Variants in NRG1 observed in about 807,000 individuals in gnomAD.
NRG1 encodes the protein pro-neuregulin-1, membrane-bound isoform.
A neutral mutation model predicts 63.8 loss-of-function variants in NRG1; 18 were observed. The ratio of observed to expected loss-of-function variants is 0.28; its 90% CI spans 0.19 to 0.42. NRG1 has a LOEUF of 0.42. NRG1 is among the 10% of genes least tolerant of loss of function. The pLI, the probability that NRG1 is intolerant of heterozygous loss-of-function variation, is 1.00. For synonymous variants in NRG1, 302 were observed against 301.3 expected, an observed-to-expected ratio of 1.00 and a Z score of -0.02; for missense variants, 762 against 814.7, an observed-to-expected ratio of 0.94 and a Z score of 0.79.
chr8:32,113,824 T>C (rs989391659), intron 1 of NRG1, among the ~76,000 whole-genome samples: 1 of 152,214 alleles, frequency 6.6e-6, no homozygotes, highest in Admixed American at 6.5e-5. Context: ...TATGATTTAA[T>C]AAAGCTTTTA....
intron 1 of NRG1, among the ~76,000 whole-genome samples, chr8:32,449,716 T>A (rs192131648): frequency 6.6e-6 from 1 of 152,222 alleles, no homozygotes; most frequent in Non-Finnish European, 1.5e-5. Context: ...TATTTGGATA[T>A]ACTGGTATTA....
intron 1 of NRG1, among the ~76,000 whole-genome samples, chr8:32,175,512 T>G (rs1840616294): frequency 6.6e-6 from 1 of 152,116 alleles, no homozygotes; most frequent in Non-Finnish European, 1.5e-5. Context: ...AAATAAAGGG[T>G]ATTCAGGTAG....
chr8:32,022,689 T>C (rs1563689786), intron 1 of NRG1, among the ~76,000 whole-genome samples: 2 of 152,218 alleles, frequency 1.3e-5, no homozygotes. Flanking sequence ...TGGACCTGTT[T>C]AATGTTAGTC....
Position 31,818,644 on chromosome 8 carries a change from C to T in NRG1, c.37+179213C>T, listed in dbSNP as rs553704475. Among the ~76,000 whole-genome samples, 442 of 152,278 alleles carry T rather than the reference C, an allele frequency of 2.9e-3. 3 individuals are homozygous for T. The highest frequency in any genetic ancestry group is 5.5e-3 in the Non-Finnish European group (373 of 68,036). ...GCCACTGATTTAACAGGCTGCGGAG[C>T]TCAGGAGGTAATACTCGCTCACCTG... On this transcript the variant is annotated intron_variant, in intron 1 of 10. Transcript: ENST00000519301.
chr8:31,828,839 C>T (rs577215539), intron 1 of NRG1, among the ~76,000 whole-genome samples: 1 of 152,328 alleles, frequency 6.6e-6, no homozygotes, highest in East Asian at 1.9e-4. Flanking sequence ...GGCTATCTTG[C>T]AGATGAATTC....
chr8:32,581,401 C>T (rs1386098564), intron 1 of NRG1, among the ~76,000 whole-genome samples: 2 of 152,140 alleles, frequency 1.3e-5, no homozygotes, highest in Non-Finnish European at 2.9e-5. Context: ...TATGTTTTTA[C>T]ATAAATCCTG....
chr8:32,633,307 G>T (rs775743436), intron 5 of NRG1, among the ~76,000 whole-genome samples: 3 of 152,102 alleles, frequency 2.0e-5, no homozygotes, highest in African/African-American at 7.2e-5. Flanking sequence ...CGACAGCCTA[G>T]TCTGCTTTTG....
At chr8:31,685,890 A>G (rs1444301506) in intron 1 of NRG1, among the ~76,000 whole-genome samples, 3 of 152,250 alleles carry the variant, frequency 2.0e-5, no homozygotes, top group Non-Finnish European at 4.4e-5. Context: ...TGGTCTATCC[A>G]TTCTTCAGTT....
intron 1 of NRG1, among the ~76,000 whole-genome samples, chr8:32,263,342 G>A (rs184133089): frequency 2.1e-4 from 32 of 152,236 alleles, no homozygotes; most frequent in African/African-American, 7.2e-4. Context: ...AAGCATTATG[G>A]CACACTGCCT....
chr8:32,400,953 A>C (rs1168387703), intron 1 of NRG1, among the ~76,000 whole-genome samples: 3 of 152,256 alleles, frequency 2.0e-5, no homozygotes, highest in African/African-American at 7.2e-5. Flanking sequence ...ATGGAATACT[A>C]TGCAGCCATA....
At chr8:32,564,119 G>C (rs551438653) in intron 1 of NRG1, among the ~76,000 whole-genome samples, 1 of 152,150 alleles carries the variant, frequency 6.6e-6, no homozygotes, top group African/African-American at 2.4e-5. Context: ...GTCCCACACA[G>C]AGAAACAGAG....
At chr8:32,302,028 G>T (rs1304751357) in intron 1 of NRG1, among the ~76,000 whole-genome samples, 2 of 152,188 alleles carry the variant, frequency 1.3e-5, no homozygotes, top group African/African-American at 4.8e-5. Context: ...TTTACCCATT[G>T]TCTGACATTC....
At chr8:32,118,279 G>T (rs1832993690) in intron 1 of NRG1, among the ~76,000 whole-genome samples, 1 of 152,018 alleles carries the variant, frequency 6.6e-6, no homozygotes, top group Admixed American at 6.6e-5. Context: ...GTGACTTGTT[G>T]CTCTATTAGT....
chr8:32,504,163 G>A (rs924129545), intron 1 of NRG1, among the ~76,000 whole-genome samples: 1 of 152,250 alleles, frequency 6.6e-6, no homozygotes, highest in East Asian at 1.9e-4. Context: ...AGCAGTTTCA[G>A]GCTCTTCCTA....
At chr8:31,702,819 AT>A (rs1252672264) in intron 1 of NRG1, among the ~76,000 whole-genome samples, 1 of 152,046 alleles carries the variant, frequency 6.6e-6, no homozygotes, top group Non-Finnish European at 1.5e-5. Flanking sequence ...TATAATTTTA[AT>A]TTCTGAAAGT....
At chr8:31,942,507 G>T (rs189860350) in intron 1 of NRG1, among the ~76,000 whole-genome samples, 1 of 152,072 alleles carries the variant, frequency 6.6e-6, no homozygotes, top group Admixed American at 6.6e-5. Flanking sequence ...GAACCCAAAA[G>T]TAAATGCAAC....
At chr8:32,677,570 A>C (rs1306779537) in intron 5 of NRG1, among the ~76,000 whole-genome samples, 3 of 152,088 alleles carry the variant, frequency 2.0e-5, no homozygotes, top group Non-Finnish European at 4.4e-5. Flanking sequence ...AGATAGGAGA[A>C]TCACTTGAAC....
At chr8:32,045,327 T>C (rs1820829207) in intron 1 of NRG1, among the ~76,000 whole-genome samples, 1 of 151,876 alleles carries the variant, frequency 6.6e-6, no homozygotes, top group Admixed American at 6.6e-5. Context: ...GAAAAAATCA[T>C]AGATGACCTA....
intron 1 of NRG1, among the ~76,000 whole-genome samples, chr8:32,298,045 G>A (rs1855103449): frequency 6.6e-6 from 1 of 152,182 alleles, no homozygotes; most frequent in South Asian, 2.1e-4. Context: ...TTTAAAATAT[G>A]CAATGCATAT....
Sources: allele counts gnomAD v4.1 joint callset (sites outside exome capture counted in the v4.1 genomes callset), GRCh38; gene constraint gnomAD v4.1.1; transcripts MANE v1.5; gene names NCBI Gene and HGNC (gene_info 2026-07-23, HGNC 2026-07-21).